The following RSRP1 variants were observed in gnomAD, a reference collection of about 807,000 sequenced individuals.
RSRP1 encodes arginine/serine-rich protein 1.
Under a neutral mutation model 33.0 loss-of-function variants are expected in RSRP1, and 37 were observed. The ratio of observed to expected loss-of-function variants is 1.12; its 90% CI spans 0.86 to 1.48. The LOEUF is 1.48. Among genes scored for constraint, RSRP1 ranks in the 40% most tolerant of loss-of-function variants. RSRP1 has a pLI of 0.00. For synonymous variants in RSRP1, 167 were observed against 158.7 expected (o/e 1.05, Z -0.40); for missense variants, 402 against 385.3 (o/e 1.04, Z -0.36).
intron 1 of RSRP1, among the ~76,000 whole-genome samples, chr1:25,282,112 C>T (rs1641536521): frequency 7.6e-6 from 1 of 132,308 alleles, no homozygotes; most frequent in Admixed American, 7.4e-5. Flanking sequence ...ACATTATTTC[C>T]TTTGGATTTC....
chr1:25,264,357 C>G (rs1426871351), intron 1 of RSRP1, among the ~76,000 whole-genome samples: 2 of 151,912 alleles, frequency 1.3e-5, no homozygotes, highest in Non-Finnish European at 2.9e-5. Flanking sequence ...TTAATCTAGG[C>G]GAAGGTTTCC....
rs1640899986 is a variant in RSRP1 at position 25,275,622 on chromosome 1, T to C, written c.-66-28593A>G. The stretch of plus-strand genomic sequence containing the variant: ...TTTAAGTATTACTACATTAATATAT[T>C]TTGTATGTTACAATAAATACATACA... On this transcript the variant is annotated intron_variant, in intron 1 of 1. Coordinates refer to the RSRP1 transcript ENST00000561867. Among the ~76,000 whole-genome samples the C allele has an allele frequency of 1.5e-5, 2 of 133,010 alleles. 1 individual carries two copies. Among genetic ancestry groups the C allele is most frequent in the Admixed American group, 1.5e-4 (2 of 13,668 alleles). 87.3% of individuals were successfully genotyped at this position (133,010 alleles called of 152,430 possible).
rs1639499524 is a variant in RSRP1 at position 25,247,042 on chromosome 1, G to A, written c.-66-13C>T. 2 of 1,380,886 alleles carry A rather than the reference G, an allele frequency of 1.4e-6. No individual in the cohort carries two copies. Among genetic ancestry groups the A allele is most frequent in the Middle Eastern group, 2.8e-4 (1 of 3,510 alleles). The allele number at this position is 1,380,886 out of a possible 1,614,324, so 85.5% of individuals were successfully genotyped here. ...AACTCAGGACTTCCTAAAAAACCAA[G>A]AGAGAAAAAACAAGTCGAGTCGCGG... On this transcript the variant is annotated splice_polypyrimidine_tract_variant and intron_variant, in intron 1 of 4. Coordinates refer to ENST00000243189, the MANE Select transcript of RSRP1 (RefSeq NM_020317.5).
chr1:25,309,252 G>A (rs1256374751), intron 1 of RSRP1, among the ~76,000 whole-genome samples: 1 of 131,800 alleles, frequency 7.6e-6, no homozygotes, highest in Non-Finnish European at 1.8e-5. Context: ...TAATGGGAAG[G>A]CACACTGAAA....
At chr1:25,246,159 C>A in intron 2 of RSRP1, 1 of 419,608 alleles carries the variant, frequency 2.4e-6, no homozygotes, top group Admixed American at 3.9e-5. Context: ...AACTTAGAAC[C>A]TTTAACTTAA....
Position 25,271,090 on chromosome 1 carries a change from G to C in RSRP1, c.-66-24061C>G, listed in dbSNP as rs1437040859. ...TATGTTCAGAACCATCATATTGGTA[G>C]CAAGTTTCATGTCCTGTAGTTTTCT... On this transcript the variant is annotated intron_variant, in intron 1 of 1. Coordinates refer to the RSRP1 transcript ENST00000561867. Among the ~76,000 whole-genome samples, 14 of 131,746 alleles carry C rather than the reference G, an allele frequency of 1.1e-4. 3 individuals are homozygous for C. The highest frequency in any genetic ancestry group is 7.2e-5 in the Non-Finnish European group (4 of 55,706). 86.4% of individuals were successfully genotyped at this position (131,746 alleles called of 152,430 possible).
At chr1:25,313,928 G>A (rs562815768) in intron 1 of RSRP1, among the ~76,000 whole-genome samples, 2 of 133,322 alleles carry the variant, frequency 1.5e-5, no homozygotes, top group African/African-American at 5.1e-5. Flanking sequence ...AGAAAAGATA[G>A]TTGGAACAAG....
chr1:25,242,810 T>G, intron 4 of RSRP1, 105 bp from the exon 5 acceptor site: 1 of 824,886 alleles, frequency 1.2e-6, no homozygotes, highest in Non-Finnish European at 1.9e-6. Flanking sequence ...AGAGATATTA[T>G]CAATTGCTGG....
At chr1:25,312,920 TAAAAAAAAAAAAA>T (rs58027687) in intron 1 of RSRP1, among the ~76,000 whole-genome samples, 225 of 6,858 alleles carry the variant, frequency 0.033, 35 homozygotes, top group Middle Eastern at 0.12. Flanking sequence ...ATCCCATCTC[TAAAAAAAAAAAAA>T]AAAAAAAAAA....
chr1:25,315,497 C>CTT (rs1285410315), intron 1 of RSRP1, among the ~76,000 whole-genome samples: 1 of 120,864 alleles, frequency 8.3e-6, no homozygotes, highest in African/African-American at 3.0e-5. Flanking sequence ...TCTTTTCTTT[C>CTT]TTTCTTTTTT....
At chr1:25,294,324 A>G in intron 1 of RSRP1, 1 of 1,167,708 alleles carries the variant, frequency 8.6e-7, no homozygotes, top group East Asian at 2.3e-5. Context: ...AACTTGTCCA[A>G]GGCCCCAGTG....
intron 1 of RSRP1, among the ~76,000 whole-genome samples, chr1:25,290,450 G>C (rs543577612): frequency 7.8e-6 from 1 of 128,092 alleles, no homozygotes; most frequent in Admixed American, 7.7e-5. Flanking sequence ...CCACCTTAAC[G>C]GGAGAAGAGA....
At chr1:25,282,752 C>T (rs60146810) in intron 1 of RSRP1, among the ~76,000 whole-genome samples, 9,692 of 130,130 alleles carry the variant, frequency 0.074, 2,116 homozygotes, top group African/African-American at 0.24. Context: ...ATTAGCCAGG[C>T]GTGGTGGCGC....
chr1:25,245,396 G>T (rs745530093), intron 2 of RSRP1, 95 bp from the exon 3 acceptor site: 4 of 1,409,262 alleles, frequency 2.8e-6, no homozygotes, highest in Non-Finnish European at 3.8e-6. Flanking sequence ...GTTATTTTGT[G>T]GTATTAAATA....
Position 25,269,733 on chromosome 1 carries a change from C to G in RSRP1, c.-66-22704G>C, listed in dbSNP as rs1640436221. On this transcript the variant is annotated intron_variant, in intron 1 of 1. Transcript: ENST00000561867. ...GGAAGAGCAAAACCTCTGCTTTTGA[C>G]AAATCTGTTGGGAGAGGCCAACTGC... Among the ~76,000 whole-genome samples the G allele has an allele frequency of 3.0e-5, 4 of 132,880 alleles. 2 individuals are homozygous for G. Among genetic ancestry groups the G allele is most frequent in the Non-Finnish European group, 7.2e-5 (4 of 55,900 alleles). The allele number at this position is 132,880 out of a possible 152,430, so 87.2% of individuals were successfully genotyped here. A position where few individuals can be genotyped will look rare whatever the true frequency, so the allele number is the denominator to read the frequency against.
intron 1 of RSRP1, among the ~76,000 whole-genome samples, chr1:25,269,622 T>G (rs984351640): frequency 1.5e-5 from 2 of 133,192 alleles, no homozygotes; most frequent in African/African-American, 5.1e-5. Context: ...TTGTGCTTTC[T>G]GTAGCAGGTG....
chr1:25,242,803 G>T (rs549002004), intron 4 of RSRP1, 98 bp from the exon 5 acceptor site: 71 of 867,306 alleles, frequency 8.2e-5, no homozygotes, highest in Non-Finnish European at 1.3e-4. Flanking sequence ...GAGCCTTAGA[G>T]ATATTATCAA....
rs1187466327 is a variant in RSRP1 at position 25,308,031 on chromosome 1, A to T, written c.-67+29947T>A. Among the ~76,000 whole-genome samples the T allele has an allele frequency of 3.6e-4, 6 of 16,590 alleles. 1 individual carries two copies. The highest frequency in any genetic ancestry group is 0.02 in the South Asian group (1 of 50). 10.9% of individuals were successfully genotyped at this position (16,590 alleles called of 152,430 possible). A position where few individuals can be genotyped will look rare whatever the true frequency, so the allele number is the denominator to read the frequency against. On this transcript the variant is annotated intron_variant, in intron 1 of 1. Transcript: ENST00000561867. ...ATGCCTGTAGAGAACAGGCAGGGGA[A>T]GTTAGAAAAAAAAAAAAGCCAGTGA...
chr1:25,267,766 A>G (rs1640356735), intron 1 of RSRP1: 1 of 131,986 alleles, frequency 7.6e-6, no homozygotes, highest in South Asian at 2.3e-4. Flanking sequence ...ACGAAGGCCA[A>G]CGGACGCCTT....
Sources: allele counts gnomAD v4.1 joint callset (sites outside exome capture counted in the v4.1 genomes callset), GRCh38; gene constraint gnomAD v4.1.1; transcripts MANE v1.5; gene names NCBI Gene and HGNC (gene_info 2026-07-23, HGNC 2026-07-21).